The following CTSD variants were observed in gnomAD, a reference collection of about 807,000 sequenced individuals.
CTSD encodes ceroid-lipofuscinosis, neuronal 10.
CTSD carries 28 observed loss-of-function variants against 43.6 expected under a neutral mutation model. The ratio of observed to expected loss-of-function variants is 0.64; its 90% confidence interval spans 0.48 to 0.88. CTSD has a LOEUF of 0.88. Among genes scored for constraint, CTSD ranks in the 40% least tolerant of loss-of-function variants. CTSD has a pLI of 0.00. For synonymous variants in CTSD, 270 were observed against 249.8 expected, an observed-to-expected ratio of 1.08 and a Z score of -0.76; for missense variants, 485 against 555.2, an observed-to-expected ratio of 0.87 and a Z score of 1.27.
chr11:1,755,173 G>A, intron 5 of CTSD, 145 bp from the exon 6 acceptor site: 2 of 953,906 alleles, frequency 2.1e-6, no homozygotes, highest in Non-Finnish European at 3.3e-6. Context: ...GAAAGGCCCA[G>A]AAGGCAGGAG....
intron 4 of CTSD, among the ~76,000 whole-genome samples, chr11:1,758,504 C>T (rs988923645): frequency 4.6e-5 from 7 of 152,076 alleles, no homozygotes; most frequent in African/African-American, 1.7e-4. Context: ...ACAGCCACTG[C>T]TGCTCCCCCT....
rs777289049 is a variant in CTSD at position 1,753,641 on chromosome 11, C to T, written c.1101G>A (p.Leu367=). 6.2e-6 allele frequency: 10 copies of T among 1,612,926 alleles called. No individual in the cohort carries two copies. In the Admixed American group the frequency reaches 1.7e-4, roughly 27 times the overall value. ...KVSQAGKTLC[L]SGFMGMDIPP... ...GGATGTCCATGCCCATGAAGCCGCT[C>T]AGGCAGAGGGTCTTCCCGGCCTGCG... The change falls in exon 9 of 9, where the codon CTG becomes CTA. Residue 367 remains leucine (L), a synonymous_variant. Transcript: ENST00000236671.
intron 5 of CTSD, among the ~76,000 whole-genome samples, chr11:1,756,124 C>T (rs534772802): frequency 2.6e-5 from 4 of 151,858 alleles, no homozygotes; most frequent in African/African-American, 7.3e-5. Flanking sequence ...GCCCCTCCCC[C>T]ACATGGGCAC....
At chr11:1,759,908 G>C (rs548118166) in intron 2 of CTSD, among the ~76,000 whole-genome samples, 321 of 152,354 alleles carry the variant, frequency 2.1e-3, no homozygotes, top group African/African-American at 7.5e-3. Flanking sequence ...TACATGGTGA[G>C]GCTGAGGACT....
chr11:1,761,866 G>A, intron 1 of CTSD: 1 of 337,084 alleles, frequency 3.0e-6, no homozygotes, highest in Non-Finnish European at 5.8e-6. Context: ...TCAGGGTGCT[G>A]GCGGGTACCT....
intron 5 of CTSD, 123 bp downstream of exon 5, chr11:1,757,201 G>T: frequency 3.5e-6 from 3 of 859,054 alleles, no homozygotes; most frequent in East Asian, 5.3e-5. Context: ...GAGGTCAGAG[G>T]TCAGGAGCTC....
chr11:1,754,439 AG>A, intron 6 of CTSD, among the ~76,000 whole-genome samples: 1 of 93,824 alleles, frequency 1.1e-5, no homozygotes, highest in African/African-American at 4.0e-5. Context: ...GGAGGGATGG[AG>A]GGATGGAGGG....
intron 4 of CTSD, among the ~76,000 whole-genome samples, chr11:1,757,786 A>C (rs1333997316): frequency 6.6e-6 from 1 of 152,010 alleles, no homozygotes; most frequent in Non-Finnish European, 1.5e-5. Flanking sequence ...TTTACACGAG[A>C]TGGGAACCAG....
rs745784791 is a variant in CTSD at position 1,753,488 on chromosome 11, C to A, written c.*15G>T. The stretch of plus-strand genomic sequence containing the variant: ...TCTCCTCTGTTTCTGTGCTGGCGCG[C>A]GGACGCCTTGGGAACTAGAGGCGGG... On this transcript the variant is annotated 3_prime_UTR_variant, in exon 9 of 9. Coordinates refer to ENST00000236671, the MANE Select transcript of CTSD (RefSeq NM_001909.5). 3.1e-6 allele frequency: 5 copies of A among 1,612,754 alleles called. No homozygotes were observed. Among genetic ancestry groups the A allele is most frequent in the Admixed American group, 3.3e-5 (2 of 60,010 alleles).
At chr11:1,757,841 G>A in intron 4 of CTSD, 3 of 502,518 alleles carry the variant, frequency 6.0e-6, no homozygotes, top group Admixed American at 3.3e-5. Flanking sequence ...TCCCTGCTCC[G>A]ACCTCTTACT....
chr11:1,763,743 G>T, intron 1 of CTSD, 49 bp downstream of exon 1: 1 of 1,489,610 alleles, frequency 6.7e-7, no homozygotes, highest in South Asian at 1.2e-5. Context: ...CCGGGACCTC[G>T]GCGCCGCGAC....
intron 6 of CTSD, among the ~76,000 whole-genome samples, chr11:1,754,508 A>AGGGATGGAGGGATGGAGGGGATGTG (rs1565019398): frequency 2.6e-3 from 64 of 24,456 alleles, no homozygotes; most frequent in African/African-American, 8.1e-3. Flanking sequence ...GTGGGGATGG[A>AGGGATGGAGGGATGGAGGGGATGTG]GGGATGGAGG....
chr11:1,757,663 G>T, intron 4 of CTSD, 107 bp from the exon 5 acceptor site: 1 of 931,332 alleles, frequency 1.1e-6, no homozygotes, highest in Non-Finnish European at 1.7e-6. Flanking sequence ...TCCCACACAC[G>T]ATGGGGCCCA....
chr11:1,761,272 G>A, intron 2 of CTSD, 37 bp downstream of exon 2: 1 of 1,610,052 alleles, frequency 6.2e-7, no homozygotes, highest in Non-Finnish European at 8.5e-7. Flanking sequence ...TCCTGACAGT[G>A]GCTCCGCTTG....
At chr11:1,754,852 G>A (rs1336961693) in intron 6 of CTSD, 54 bp downstream of exon 6, 19 of 1,611,186 alleles carry the variant, frequency 1.2e-5, no homozygotes, top group South Asian at 7.7e-5. Flanking sequence ...CAGGGTCTCC[G>A]CACACCGCCC....
chr11:1,761,430 A>G lies in CTSD; in HGVS notation c.107T>C (p.Met36Thr), dbSNP rs754329549. The change falls in exon 2 of 9, where the codon ATG becomes ACG. Residue 36 changes from methionine to threonine, a missense_variant. Transcript: ENST00000236671. ...LHKFTSIRRT[M>T]SEVGGSVEDL... ...CTCCACAGAGCCCCCAACCTCCGACATGGTCCGGCGGATGGACGTGAACTT... is the reference window on the plus strand; with the variant it reads ...CTCCACAGAGCCCCCAACCTCCGACGTGGTCCGGCGGATGGACGTGAACTT... 1.2e-6 allele frequency: 2 copies of G among 1,613,864 alleles called. No homozygotes were observed. Among genetic ancestry groups the G allele is most frequent in the Non-Finnish European group, 8.5e-7 (1 of 1,180,002 alleles).
chr11:1,754,292 A>T (rs1177611442), intron 6 of CTSD, 154 bp from the exon 7 acceptor site: 5 of 769,744 alleles, frequency 6.5e-6, no homozygotes, highest in Non-Finnish European at 1.0e-5. Flanking sequence ...TCCAGGGAAG[A>T]GGGTGGGAGA....
chr11:1,758,021 GC>G (rs1473362988), intron 4 of CTSD: 1 of 245,632 alleles, frequency 4.1e-6, no homozygotes, highest in African/African-American at 2.3e-5. Context: ...CCTGGATGAG[GC>G]TGCAGAGAGA....
At position 1,757,754 on chromosome 11, in the gene CTSD, C is replaced by G. The variant is rs573974901; in HGVS notation, c.472-198G>C. On this transcript the variant is annotated intron_variant, in intron 4 of 8. Coordinates refer to ENST00000236671, the MANE Select transcript of CTSD (RefSeq NM_001909.5). ...ACACGGGGTATGGCGGGGCCCTCTT[C>G]GTGGAAGTCATCAGGGCTCGGTTTA... Among the ~76,000 whole-genome samples the G allele has an allele frequency of 2.6e-5, 4 of 152,312 alleles. No homozygotes were observed. The East Asian group carries it at 7.7e-4, about 29-fold the overall frequency.
Sources: allele counts gnomAD v4.1 joint callset (sites outside exome capture counted in the v4.1 genomes callset), GRCh38; gene constraint gnomAD v4.1.1; transcripts MANE v1.5; gene names NCBI Gene and HGNC (gene_info 2026-07-23, HGNC 2026-07-21).